The following RTEL1 variants were observed in gnomAD, a reference collection of about 807,000 sequenced individuals.
RTEL1 encodes regulator of telomere length.
In RTEL1, 86 loss-of-function variants were observed where a neutral mutation model predicts 162.2. The ratio of observed to expected loss-of-function variants is 0.53; its 90% CI spans 0.45 to 0.63. The LOEUF is 0.63. Among genes scored for constraint, RTEL1 ranks in the 30% least tolerant of loss-of-function variants. The pLI is 0.00. For synonymous variants in RTEL1, 958 were observed against 717.9 expected, an observed-to-expected ratio of 1.33 and a Z score of -5.35; for missense variants, 1,941 against 1,750.2, an observed-to-expected ratio of 1.11 and a Z score of -1.95.
rs780262316 is a variant in RTEL1 at position 63,678,179 on chromosome 20, G to A, written c.954G>A (p.Leu318=). ...LNMELEDIAK[L]KMILLRLEGA... ...TGGAGCTGGAAGACATTGCAAAGCTGAAGAGTAAGTGTTGCCCTCCCCGCC... is the reference window on the plus strand; with the variant it reads ...TGGAGCTGGAAGACATTGCAAAGCTAAAGAGTAAGTGTTGCCCTCCCCGCC... Residue 318 remains leucine, a synonymous_variant, in exon 11 of 35, where the codon CTG becomes CTA. Transcript: ENST00000360203. 3.1e-6 allele frequency: 5 copies of A among 1,613,880 alleles called. No homozygotes were observed. In the East Asian group the frequency reaches 1.1e-4, roughly 36 times the overall value.
In RTEL1 at chr20:63,696,226, A is replaced by C; in HGVS notation, c.*368A>C. On this transcript the variant is annotated 3_prime_UTR_variant, in exon 35 of 35. Coordinates refer to ENST00000360203, the MANE Select transcript of RTEL1 (RefSeq NM_001283009.2). ...TAATCAGGGGACAGGGCTCTCTAAT[A>C]AAGCTGCTGGCAGTGCCCAGGACGG... The C allele has an allele frequency of 8.6e-6, 3 of 347,432 alleles. No individual in the cohort carries two copies. Among genetic ancestry groups the C allele is most frequent in the Non-Finnish European group, 1.1e-5 (2 of 188,730 alleles). The allele number at this position is 347,432 out of a possible 1,614,324, so 21.5% of individuals were successfully genotyped here.
At chr20:63,669,037 G>T (rs781373893) in intron 8 of RTEL1, among the ~76,000 whole-genome samples, 3 of 152,090 alleles carry the variant, frequency 2.0e-5, no homozygotes, top group Non-Finnish European at 2.9e-5. Flanking sequence ...AGGTTGGAGT[G>T]CAGTGGCACC....
rs569652788 is a variant in RTEL1 at position 63,682,257 on chromosome 20, G to A, written c.1191+1538G>A. 5.1e-6 allele frequency: 5 copies of A among 985,028 alleles called. No individual in the cohort carries two copies. In the African/African-American group the frequency reaches 7.0e-5, roughly 14 times the overall value. The allele number at this position is 985,028 out of a possible 1,614,324, so 61.0% of individuals were successfully genotyped here. On this transcript the variant is annotated intron_variant, in intron 14 of 34. Coordinates refer to ENST00000360203, the MANE Select transcript of RTEL1 (RefSeq NM_001283009.2). ...AGCTATGGAGAAGACTCCACACTCTGGAACCGAATCCTGGAACGCGGCCTC... is the reference window on the plus strand; with the variant it reads ...AGCTATGGAGAAGACTCCACACTCTAGAACCGAATCCTGGAACGCGGCCTC...
chr20:63,668,821 A>G lies in RTEL1; in HGVS notation c.699+1268A>G, dbSNP rs535369171. 2.0e-5 allele frequency among the ~76,000 whole-genome samples: 3 copies of G among 152,300 alleles called. No individual in the cohort carries two copies. Among genetic ancestry groups the G allele is most frequent in the African/African-American group, 7.2e-5 (3 of 41,558 alleles). On this transcript the variant is annotated intron_variant, in intron 8 of 34. Coordinates refer to ENST00000360203, the MANE Select transcript of RTEL1 (RefSeq NM_001283009.2). The surrounding 1 kb of genome is among the most constrained non-coding windows in gnomAD (Gnocchi z 4.3). ...CTTTCACGGAAACGCAGAAGATCTA[A>G]AACAGCAAGATGACCGTGAAGAAGA... is the stretch of plus-strand genomic sequence containing the variant.
intron 8 of RTEL1, among the ~76,000 whole-genome samples, chr20:63,667,923 G>A (rs1248435551): frequency 6.6e-6 from 1 of 151,222 alleles, no homozygotes; most frequent in East Asian, 1.9e-4. Context: ...CCCAGCGCGT[G>A]CCCGGCCCCA....
intron 13 of RTEL1, 23 bp from the exon 14 acceptor site, chr20:63,680,641 G>A: frequency 6.2e-7 from 1 of 1,612,556 alleles, no homozygotes; most frequent in Non-Finnish European, 8.5e-7. Flanking sequence ...CAGTGTGGGT[G>A]TCAGCGCCCT....
rs1212848675 is a variant in RTEL1, at chr20:63,659,294, G to A, written c.-109G>A. On this transcript the variant is annotated 5_prime_UTR_variant, in exon 2 of 35. Coordinates refer to ENST00000360203, the MANE Select transcript of RTEL1 (RefSeq NM_001283009.2). Reference sequence around the variant, plus strand: ...GTGTCCCAGTGCACATGCTCGCATCGCTTACCAGGAGTGCCCGAGACCCTA... The same window carrying A: ...GTGTCCCAGTGCACATGCTCGCATCACTTACCAGGAGTGCCCGAGACCCTA... 4 of 741,038 alleles carry A rather than the reference G, an allele frequency of 5.4e-6. No individual in the cohort carries two copies. The Admixed American group carries it at 5.9e-5, about 11-fold the overall frequency. 45.9% of individuals were successfully genotyped at this position (741,038 alleles called of 1,614,324 possible).
At chr20:63,688,932 C>T (rs973486549) in intron 21 of RTEL1, 123 bp from the exon 22 acceptor site, 9 of 865,256 alleles carry the variant, frequency 1.0e-5, no homozygotes, top group Non-Finnish European at 1.7e-5. Flanking sequence ...GCTTCCAGAA[C>T]CCGATTGGCC....
At position 63,673,255 on chromosome 20, in the gene RTEL1, G is replaced by A. The variant is rs985760707; in HGVS notation, c.765+634G>A. Among the ~76,000 whole-genome samples the A allele has an allele frequency of 4.7e-4, 71 of 151,616 alleles. No individual in the cohort carries two copies. In the Middle Eastern group the frequency reaches 0.01, roughly 22 times the overall value. Reference sequence around the variant, plus strand: ...AAAAATACAAAAAAATTAGCTGGGCGTGGTGGCGTGTGCCTATAGTCCCAG... The same window carrying A: ...AAAAATACAAAAAAATTAGCTGGGCATGGTGGCGTGTGCCTATAGTCCCAG... On this transcript the variant is annotated intron_variant, in intron 9 of 34. Coordinates refer to ENST00000360203, the MANE Select transcript of RTEL1 (RefSeq NM_001283009.2).
At position 63,695,367 on chromosome 20, in the gene RTEL1, A is replaced by G; in HGVS notation, c.3539A>G (p.Lys1180Arg). ...GAGAAGACCGGGAAGACCCAGAGCA[A>G]GATCTCGTCCTTCCTTAGACAGAGG... ...RSEKTGKTQSKISSFLRQRPA... is the reference protein window; with the variant it reads ...RSEKTGKTQSRISSFLRQRPA... The change falls in exon 34 of 35, where the codon AAG becomes AGG. Residue 1180 changes from lysine to arginine, a missense_variant. Physicochemically the swap from Lys to Arg is conservative, Grantham distance 26. Coordinates refer to ENST00000360203, the MANE Select transcript of RTEL1 (RefSeq NM_001283009.2). The G allele has an allele frequency of 6.5e-7, 1 of 1,548,402 alleles. No individual in the cohort carries two copies. The highest frequency in any genetic ancestry group is 8.7e-7 in the Non-Finnish European group (1 of 1,147,096).
At chr20:63,693,669 A>ACCT (rs2090875428) in intron 30 of RTEL1, among the ~76,000 whole-genome samples, 1 of 24,540 alleles carries the variant, frequency 4.1e-5, no homozygotes, top group East Asian at 5.9e-4. Flanking sequence ...CACCTCCACC[A>ACCT]CCACCACCAC....
chr20:63,693,386 C>T (rs937216246), intron 30 of RTEL1, 103 bp downstream of exon 30: 11 of 1,430,528 alleles, frequency 7.7e-6, no homozygotes, highest in Non-Finnish European at 1.1e-5. Flanking sequence ...CCTGCTTGGC[C>T]CCGCCTCTCT....
At chr20:63,693,034 G>C in intron 29 of RTEL1, 31 bp downstream of exon 29, 2 of 1,611,340 alleles carry the variant, frequency 1.2e-6, no homozygotes, top group Non-Finnish European at 1.7e-6. Context: ...CACCCACCCT[G>C]AGGGCAGTGC....
intron 12 of RTEL1, among the ~76,000 whole-genome samples, 166 bp downstream of exon 12, chr20:63,678,512 A>G (rs1403486952): frequency 6.6e-6 from 1 of 151,912 alleles, no homozygotes; most frequent in Non-Finnish European, 1.5e-5. Flanking sequence ...CTGGTTGCTG[A>G]GATGTTGAGA....
chr20:63,685,452 A>T, intron 14 of RTEL1, 71 bp from the exon 15 acceptor site: 1 of 1,483,324 alleles, frequency 6.7e-7, no homozygotes, highest in Non-Finnish European at 9.3e-7. Context: ...CCTTCTGTGT[A>T]TGCGGCTGAT....
chr20:63,694,401 G>T lies in RTEL1; in HGVS notation c.3022G>T (p.Val1008Leu). 1.2e-6 allele frequency: 2 copies of T among 1,606,904 alleles called. No homozygotes were observed. Among genetic ancestry groups the T allele is most frequent in the Non-Finnish European group, 1.7e-6 (2 of 1,176,376 alleles). ...GRTAPDPKLT[V>L]STAAAQQLDP... ...AACGGCGCCGGATCCCAAGCTGACCGTGTCCACGGCTGCAGCCCAGCAGCT... is the reference window on the plus strand; with the variant it reads ...AACGGCGCCGGATCCCAAGCTGACCTTGTCCACGGCTGCAGCCCAGCAGCT... The change falls in exon 31 of 35, where the codon GTG becomes TTG. Residue 1008 changes from valine to leucine, a missense_variant. Physicochemically the swap from Val to Leu is conservative, Grantham distance 32 (BLOSUM62 1). Coordinates refer to ENST00000360203, the MANE Select transcript of RTEL1 (RefSeq NM_001283009.2).
At position 63,661,710 on chromosome 20, in the gene RTEL1, C is replaced by A; in HGVS notation, c.302-140C>A. ...TAGGGCACGGCAGATGCCCACTTCA[C>A]CCATTTTTGATAAACCAGTATCTGG... On this transcript the variant is annotated intron_variant, in intron 3 of 34. Coordinates refer to ENST00000360203, the MANE Select transcript of RTEL1 (RefSeq NM_001283009.2). The surrounding 1 kb of genome is among the most constrained non-coding windows in gnomAD (Gnocchi z 5.1). 1 of 900,802 alleles carries A rather than the reference C, an allele frequency of 1.1e-6. No individual in the cohort carries two copies. Among genetic ancestry groups the A allele is most frequent in the South Asian group, 1.6e-5 (1 of 63,862 alleles). 55.8% of individuals were successfully genotyped at this position (900,802 alleles called of 1,614,324 possible).
chr20:63,694,307 C>T (rs749791120), intron 30 of RTEL1, 65 bp from the exon 31 acceptor site: 4 of 974,996 alleles, frequency 4.1e-6, no homozygotes, highest in Non-Finnish European at 4.9e-6. Context: ...CAGCCCTGCC[C>T]CCCCACCCCA....
In RTEL1 at chr20:63,679,940, G is replaced by T. The variant is rs1435507128; in HGVS notation, c.1129G>T (p.Ala377Ser). 2 of 1,610,436 alleles carry T rather than the reference G, an allele frequency of 1.2e-6. No homozygotes were observed. The highest frequency in any genetic ancestry group is 2.7e-5 in the African/African-American group (2 of 74,904). The change falls in exon 13 of 35, where the codon GCA (alanine) becomes TCA (serine). Residue 377 changes from alanine to serine, a missense_variant. Physicochemically the swap from Ala to Ser is moderately conservative, Grantham distance 99. Transcript: ENST00000360203. ...GCTGGACCAGATCATCCAGCACCTG[G>T]CAGGACGTGAGTGCTGGCACGGGGT... ...DSLDQIIQHL[A>S]GRAGVFTNTA...
Sources: gnomAD v4.1 joint callset for allele counts (sites outside exome capture counted in the v4.1 genomes callset) on GRCh38, gnomAD v4.1.1 for gene constraint, Gnocchi (gnomAD v3.1) non-coding constraint, MANE v1.5 for transcripts, NCBI Gene and HGNC (gene_info 2026-07-23, HGNC 2026-07-21) for gene names.